Variants in GRIP1 observed in about 807,000 individuals in gnomAD.
GRIP1 encodes the protein glutamate receptor interacting protein 1, also known as glutamate receptor-interacting protein 1.
In GRIP1, 45 loss-of-function variants were observed where a neutral mutation model predicts 129.9. The observed-to-expected ratio is 0.35, with a 90% CI of 0.27 to 0.44. The LOEUF is 0.44. GRIP1 is among the 20% of genes least tolerant of loss of function. GRIP1 has a pLI of 1.00. For synonymous variants in GRIP1, 530 were observed against 520.8 expected (o/e 1.02, Z -0.24); for missense variants, 1,196 against 1,396.8 (o/e 0.86, Z 2.29).
intron 1 of GRIP1, among the ~76,000 whole-genome samples, chr12:66,882,923 G>A (rs772128373): frequency 6.6e-6 from 1 of 152,130 alleles, no homozygotes; most frequent in Admixed American, 6.5e-5. Context: ...CATAACCAAA[G>A]AGACACCTTT....
intron 1 of GRIP1, among the ~76,000 whole-genome samples, chr12:66,731,078 T>C (rs962240948): frequency 6.6e-6 from 1 of 152,162 alleles, no homozygotes; most frequent in Admixed American, 6.5e-5. Context: ...TGAAGTTTTC[T>C]AGACACACAC....
At chr12:66,885,486 G>A (rs997419642) in intron 1 of GRIP1, among the ~76,000 whole-genome samples, 7 of 152,290 alleles carry the variant, frequency 4.6e-5, no homozygotes, top group South Asian at 2.1e-4. Flanking sequence ...GATGGAGGGC[G>A]TACCTGATTC....
intron 4 of GRIP1, among the ~76,000 whole-genome samples, chr12:66,533,878 CAT>C (rs58141400): frequency 0.15 from 21,766 of 142,130 alleles, 1,535 homozygotes; most frequent in African/African-American, 0.17. Context: ...CACACACACA[CAT>C]ACACACACTC....
intron 1 of GRIP1, among the ~76,000 whole-genome samples, chr12:66,671,809 G>A (rs79182306): frequency 0.07 from 10,605 of 152,204 alleles, 506 homozygotes; most frequent in Middle Eastern, 0.18. Flanking sequence ...AAAATGTGTG[G>A]GACGTGTATC....
rs2054088837 is a variant in GRIP1 at position 66,348,719 on chromosome 12, G to C, written c.*300C>G. The C allele has an allele frequency of 5.4e-6, 2 of 369,600 alleles. No homozygotes were observed. Among genetic ancestry groups the C allele is most frequent in the Admixed American group, 8.2e-5 (2 of 24,400 alleles). The allele number at this position is 369,600 out of a possible 1,614,324, so 22.9% of individuals were successfully genotyped here. On this transcript the variant is annotated 3_prime_UTR_variant, in exon 25 of 25. Transcript: ENST00000359742. ...TCTTTTTAAAAAGTGATAGTAAGAT[G>C]AACTTGTAAAAAATTTCCTCTGATG...
At chr12:66,851,428 G>C (rs1223736564) in intron 1 of GRIP1, among the ~76,000 whole-genome samples, 2 of 152,044 alleles carry the variant, frequency 1.3e-5, no homozygotes, top group African/African-American at 2.4e-5. Flanking sequence ...CCAAAATATA[G>C]AGTTTTATTA....
chr12:66,611,701 T>C (rs991887126), intron 1 of GRIP1, among the ~76,000 whole-genome samples: 4 of 152,204 alleles, frequency 2.6e-5, no homozygotes, highest in Non-Finnish European at 4.4e-5. Context: ...ATTTTATAAA[T>C]ACAAAGAAGG....
In GRIP1 at chr12:66,892,745, T is replaced by G. The variant is rs184455193; in HGVS notation, c.58+176305A>C. On this transcript the variant is annotated intron_variant, in intron 1 of 1. Coordinates refer to the GRIP1 transcript ENST00000643019. Reference sequence around the variant, plus strand: ...GGGAGGCCAAGGCAGGAGGACTGCTTGAGCCTACAACTTTGAGGCAAGCCT... The same window carrying G: ...GGGAGGCCAAGGCAGGAGGACTGCTGGAGCCTACAACTTTGAGGCAAGCCT... Among the ~76,000 whole-genome samples, 26 of 151,594 alleles carry G rather than the reference T, an allele frequency of 1.7e-4. No homozygotes were observed. The East Asian group carries it at 4.9e-3, about 29-fold the overall frequency.
intron 7 of GRIP1, among the ~76,000 whole-genome samples, chr12:66,489,272 C>A (rs1324544078): frequency 6.6e-6 from 1 of 152,122 alleles, no homozygotes; most frequent in South Asian, 2.1e-4. Context: ...AAAGGCTTAT[C>A]CACCATGATC....
intron 1 of GRIP1, among the ~76,000 whole-genome samples, chr12:67,059,452 C>A (rs1310073060): frequency 2.0e-5 from 3 of 152,226 alleles, no homozygotes; most frequent in Non-Finnish European, 4.4e-5. Flanking sequence ...GAGGGTCACA[C>A]AATGAATGAA....
At chr12:67,066,271 CATGT>C (rs2043623564) in intron 1 of GRIP1, among the ~76,000 whole-genome samples, 1 of 152,124 alleles carries the variant, frequency 6.6e-6, no homozygotes. Flanking sequence ...AACACAAAAG[CATGT>C]TCCCTCAATC....
chr12:66,753,454 C>T (rs1351628798), intron 1 of GRIP1, among the ~76,000 whole-genome samples: 1 of 152,222 alleles, frequency 6.6e-6, no homozygotes, highest in Non-Finnish European at 1.5e-5. Flanking sequence ...TCACCTTCCA[C>T]CACTGCTGAC....
chr12:66,359,893 C>A (rs1267525952), intron 23 of GRIP1, among the ~76,000 whole-genome samples: 2 of 152,110 alleles, frequency 1.3e-5, no homozygotes, highest in African/African-American at 2.4e-5. Context: ...GTAGTGGTTA[C>A]CTTGGATTTA....
In GRIP1 at chr12:66,926,350, A is replaced by C. The variant is rs180989199; in HGVS notation, c.58+142700T>G. Among the ~76,000 whole-genome samples the C allele has an allele frequency of 2.3e-3, 347 of 152,332 alleles. 1 individual carries two copies. Among genetic ancestry groups the C allele is most frequent in the African/African-American group, 7.8e-3 (325 of 41,572 alleles). On this transcript the variant is annotated intron_variant, in intron 1 of 1. Coordinates refer to the GRIP1 transcript ENST00000643019. Reference sequence around the variant, plus strand: ...CAAAATAAAGGCCTGTTCAGGACTTACGATACCCCCATAGCTCGAAGCTAG... The same window carrying C: ...CAAAATAAAGGCCTGTTCAGGACTTCCGATACCCCCATAGCTCGAAGCTAG...
chr12:66,680,078 T>TA (rs1280354145), upstream of GRIP1, among the ~76,000 whole-genome samples: 1 of 151,844 alleles, frequency 6.6e-6, no homozygotes, highest in Non-Finnish European at 1.5e-5. Flanking sequence ...GACAAAAAAT[T>TA]AGACAGTTGG....
Position 66,379,264 on chromosome 12 carries a change from T to C in GRIP1, c.2621+16A>G. Reference sequence around the variant, plus strand: ...GCAGTCATCTTGGATGAGGCAGCATTGGTTGAAAACCTTACCCACTGGCTG... The same window carrying C: ...GCAGTCATCTTGGATGAGGCAGCATCGGTTGAAAACCTTACCCACTGGCTG... On this transcript the variant is annotated intron_variant, in intron 20 of 24. Transcript: ENST00000359742. The C allele has an allele frequency of 6.2e-7, 1 of 1,612,688 alleles. No homozygotes were observed. The highest frequency in any genetic ancestry group is 8.5e-7 in the Non-Finnish European group (1 of 1,179,184).
chr12:66,369,315 A>AC (rs936026341), intron 23 of GRIP1, among the ~76,000 whole-genome samples: 11 of 139,512 alleles, frequency 7.9e-5, no homozygotes, highest in South Asian at 4.6e-4. Context: ...AGTGGATGAT[A>AC]CTTTTTTTTT....
At chr12:66,662,200 G>A (rs980928963) in intron 1 of GRIP1, among the ~76,000 whole-genome samples, 54 of 152,040 alleles carry the variant, frequency 3.6e-4, no homozygotes, top group African/African-American at 1.3e-3. Context: ...CCTCTAGAGA[G>A]GTTTTCCCTC....
At chr12:67,034,825 T>G (rs1445250469) in intron 1 of GRIP1, among the ~76,000 whole-genome samples, 1 of 152,218 alleles carries the variant, frequency 6.6e-6, no homozygotes, top group East Asian at 1.9e-4. Context: ...CCACCATTGT[T>G]TATGCGGTCT....
Sources: allele counts gnomAD v4.1 joint callset (sites outside exome capture counted in the v4.1 genomes callset), GRCh38; gene constraint gnomAD v4.1.1; transcripts MANE v1.5; gene names NCBI Gene and HGNC (gene_info 2026-07-23, HGNC 2026-07-21).